The following TENM3 variants were observed in gnomAD, a reference collection of about 807,000 sequenced individuals.
The protein encoded by TENM3 is teneurin transmembrane protein 3, also known as teneurin-3.
Under a neutral mutation model 255.1 loss-of-function variants are expected in TENM3, and 63 were observed. The ratio of observed to expected loss-of-function variants is 0.25; its 90% confidence interval spans 0.20 to 0.30. The LOEUF (loss-of-function observed/expected upper bound fraction) is 0.30, where lower values mean the gene tolerates loss of function less well. Among genes scored for constraint, TENM3 ranks in the 10% least tolerant of loss-of-function variants. TENM3 has a pLI of 1.00. For synonymous variants in TENM3, 1,306 were observed against 1,322.3 expected, an observed-to-expected ratio of 0.99 and a Z score of 0.27; for missense variants, 2,929 against 3,461.1, an observed-to-expected ratio of 0.85 and a Z score of 3.86.
chr4:182,493,604 T>C (rs1297430734), intron 3 of TENM3, among the ~76,000 whole-genome samples: 1 of 152,160 alleles, frequency 6.6e-6, no homozygotes, highest in Non-Finnish European at 1.5e-5. Context: ...TGTGTCAGCA[T>C]TATGTGATGT....
the TENM3 span, among the ~76,000 whole-genome samples, chr4:181,770,308 G>T: frequency 6.6e-6 from 1 of 152,150 alleles, no homozygotes; most frequent in Non-Finnish European, 1.5e-5. Flanking sequence ...CATTACGATT[G>T]AAAAAATTAT....
the TENM3 span, among the ~76,000 whole-genome samples, chr4:181,581,974 C>G: frequency 2.6e-5 from 4 of 152,182 alleles, no homozygotes; most frequent in African/African-American, 9.7e-5. Flanking sequence ...CTCAGGCGAT[C>G]TGCCTGCCTC....
intron 5 of TENM3, among the ~76,000 whole-genome samples, chr4:182,640,213 TAAAA>T (rs1272842583): frequency 5.9e-5 from 9 of 152,166 alleles, no homozygotes; most frequent in South Asian, 2.1e-4. Context: ...GTCAATCACT[TAAAA>T]AAGAAGTATA....
chr4:181,822,758 G>A, the TENM3 span, among the ~76,000 whole-genome samples: 1 of 152,156 alleles, frequency 6.6e-6, no homozygotes, highest in Non-Finnish European at 1.5e-5. Context: ...CCAAATATAA[G>A]GCATCCACTA....
rs532881107 is a variant in TENM3, at chr4:182,699,179, T to G, written c.2221+10828T>G. Among the ~76,000 whole-genome samples the G allele has an allele frequency of 8.7e-4, 132 of 152,336 alleles. 1 individual carries two copies. The highest frequency in any genetic ancestry group is 3.0e-3 in the African/African-American group (124 of 41,588). ...TGAGTCCCAATAGCTATTGCTAAATTAAGCTTTCTCCTACAAGGCCCACTG... is the reference window on the plus strand; with the variant it reads ...TGAGTCCCAATAGCTATTGCTAAATGAAGCTTTCTCCTACAAGGCCCACTG... On this transcript the variant is annotated intron_variant, in intron 12 of 27. Transcript: ENST00000511685.
intron 5 of TENM3, among the ~76,000 whole-genome samples, chr4:182,650,924 A>ATATATATATATATATATATATAT (rs1491428844): frequency 9.5e-5 from 1 of 10,522 alleles, no homozygotes; most frequent in Non-Finnish European, 1.4e-4. Flanking sequence ...ATATATATAT[A>ATATATATATATATATATATATAT]AAACAAAGCT....
the TENM3 span, among the ~76,000 whole-genome samples, chr4:181,812,977 C>T: frequency 6.6e-6 from 1 of 152,196 alleles, no homozygotes; most frequent in African/African-American, 2.4e-5. Flanking sequence ...AGAGAATGGT[C>T]TACCTTCCAT....
chr4:182,169,356 T>C (rs774577022), intron 1 of TENM3: 1 of 470,074 alleles, frequency 2.1e-6, no homozygotes, highest in Non-Finnish European at 4.4e-6. Flanking sequence ...TCAACTCTAA[T>C]GGGAGAGACA....
chr4:182,141,949 CACTT>C (rs956115343), upstream of TENM3: 2 of 152,202 alleles, frequency 1.3e-5, no homozygotes, highest in African/African-American at 4.8e-5. Context: ...GAGGGAGTCT[CACTT>C]ACTACTTGGA....
At chr4:182,161,188 G>A (rs1579549044) in intron 1 of TENM3, among the ~76,000 whole-genome samples, 1 of 129,112 alleles carries the variant, frequency 7.7e-6, no homozygotes, top group East Asian at 3.3e-4. Context: ...AGGCCGAGGC[G>A]GGCGGATCAC....
intron 1 of TENM3, among the ~76,000 whole-genome samples, chr4:182,224,312 C>T (rs1393736872): frequency 6.6e-6 from 1 of 152,040 alleles, no homozygotes; most frequent in Non-Finnish European, 1.5e-5. Context: ...GCTAATTTTA[C>T]CAGGGAGAGT....
chr4:182,113,606 C>T, the TENM3 span, among the ~76,000 whole-genome samples: 29 of 152,162 alleles, frequency 1.9e-4, no homozygotes, highest in South Asian at 4.2e-3. Flanking sequence ...TTAAAATATA[C>T]GCCCACCATG....
intron 24 of TENM3, among the ~76,000 whole-genome samples, chr4:182,783,127 G>A (rs1765318843): frequency 6.6e-6 from 1 of 151,998 alleles, no homozygotes; most frequent in Non-Finnish European, 1.5e-5. Flanking sequence ...TTGCTCGTTA[G>A]TTGATGCAGT....
At position 182,243,946 on chromosome 4, in the gene TENM3, C is replaced by CTTTT. The variant is rs967487689; in HGVS notation, c.-76+492_-76+495dup. Among the ~76,000 whole-genome samples, 138 of 72,892 alleles carry CTTTT rather than the reference C, an allele frequency of 1.9e-3. 2 individuals carry two copies. Among genetic ancestry groups the CTTTT allele is most frequent in the African/African-American group, 2.9e-3 (52 of 17,658 alleles). 47.8% of individuals were successfully genotyped at this position (72,892 alleles called of 152,430 possible). On this transcript the variant is annotated intron_variant, in intron 1 of 27. Transcript: ENST00000511685. Reference sequence around the variant, plus strand: ...CCAAGAATGGAATCATTTGTGTTTTCTTTTTTTTTTTTTTTTTTTTTTTTT... The same window carrying CTTTT: ...CCAAGAATGGAATCATTTGTGTTTTCTTTTTTTTTTTTTTTTTTTTTTTTTTTTT...
At chr4:182,484,869 T>C (rs1734549351) in intron 3 of TENM3, among the ~76,000 whole-genome samples, 3 of 152,172 alleles carry the variant, frequency 2.0e-5, no homozygotes, top group Admixed American at 2.0e-4. Context: ...CAGTAGATAA[T>C]GCAAATATTA....
chr4:181,892,056 G>A, the TENM3 span, among the ~76,000 whole-genome samples: 4 of 152,142 alleles, frequency 2.6e-5, no homozygotes, highest in Non-Finnish European at 2.9e-5. Context: ...CACCAAACCT[G>A]CCAATGCCTT....
At chr4:181,844,625 A>G in the TENM3 span, among the ~76,000 whole-genome samples, 518 of 151,926 alleles carry the variant, frequency 3.4e-3, 3 homozygotes, top group South Asian at 5.4e-3. Context: ...CTGAGATCAC[A>G]CCACTGCACT....
chr4:182,031,684 A>G, the TENM3 span, among the ~76,000 whole-genome samples: 1,951 of 152,204 alleles, frequency 0.013, 45 homozygotes, highest in African/African-American at 0.044. Context: ...CTATCCATGA[A>G]GATGGAATGT....
At chr4:181,632,666 C>A in the TENM3 span, among the ~76,000 whole-genome samples, 5 of 152,108 alleles carry the variant, frequency 3.3e-5, no homozygotes, top group Non-Finnish European at 7.4e-5. Flanking sequence ...CAGTGTGAAT[C>A]ACACATGATC....
Sources: gnomAD v4.1 joint callset for allele counts (sites outside exome capture counted in the v4.1 genomes callset) on GRCh38, gnomAD v4.1.1 for gene constraint, MANE v1.5 for transcripts, NCBI Gene and HGNC (gene_info 2026-07-23, HGNC 2026-07-21) for gene names.